Variants in GAP43 observed in about 807,000 individuals in gnomAD.
The protein encoded by GAP43 is neuromodulin.
In GAP43, 6 loss-of-function variants were observed where a neutral mutation model predicts 18.6. That is an observed-to-expected ratio of 0.32 (90% CI 0.18 to 0.64). The LOEUF is 0.64. GAP43 is among the 30% of genes least tolerant of loss of function. GAP43 has a pLI of 0.78. For synonymous variants in GAP43, 115 were observed against 111.4 expected (o/e 1.03, Z -0.20); for missense variants, 292 against 295.5 (o/e 0.99, Z 0.09).
chr3:115,661,673 A>G (rs111582936), intron 1 of GAP43, among the ~76,000 whole-genome samples: 6,888 of 151,848 alleles, frequency 0.045, 496 homozygotes, highest in African/African-American at 0.16. Flanking sequence ...TATTTTTAGT[A>G]GAGATGGGGT....
chr3:115,657,777 G>A (rs1484509267), intron 1 of GAP43, among the ~76,000 whole-genome samples: 1 of 151,922 alleles, frequency 6.6e-6, no homozygotes, highest in Non-Finnish European at 1.5e-5. Flanking sequence ...GGCTAGCCTC[G>A]AACTCCTGAG....
At chr3:115,664,176 C>T (rs1708702313) in intron 1 of GAP43, among the ~76,000 whole-genome samples, 1 of 151,434 alleles carries the variant, frequency 6.6e-6, no homozygotes, top group Non-Finnish European at 1.5e-5. Context: ...GAGTGCTTGA[C>T]ATATAGTTTT....
chr3:115,673,687 T>C (rs1708841134), intron 1 of GAP43, among the ~76,000 whole-genome samples: 1 of 152,242 alleles, frequency 6.6e-6, no homozygotes, highest in South Asian at 2.1e-4. Flanking sequence ...CAGGGACAGC[T>C]GCTCCTGTGT....
At chr3:115,688,120 G>A (rs567228725) in intron 2 of GAP43, among the ~76,000 whole-genome samples, 4 of 152,118 alleles carry the variant, frequency 2.6e-5, no homozygotes, top group South Asian at 2.1e-4. Context: ...GGGTTCAACC[G>A]ATTATCCTGC....
At chr3:115,646,574 A>G (rs1479113446) in intron 1 of GAP43, among the ~76,000 whole-genome samples, 1 of 152,100 alleles carries the variant, frequency 6.6e-6, no homozygotes, top group African/African-American at 2.4e-5. Context: ...AGAAAAAGAG[A>G]GAGAACTTCA....
intron 2 of GAP43, among the ~76,000 whole-genome samples, chr3:115,701,663 A>T (rs1260303621): frequency 6.6e-6 from 1 of 151,972 alleles, no homozygotes; most frequent in Non-Finnish European, 1.5e-5. Flanking sequence ...CCAAATGTCC[A>T]TGGTTGATTT....
chr3:115,674,508 A>G (rs1349853179), intron 1 of GAP43, among the ~76,000 whole-genome samples: 1 of 152,232 alleles, frequency 6.6e-6, no homozygotes, highest in African/African-American at 2.4e-5. Flanking sequence ...AAAAGGTAAC[A>G]TTCTATATGC....
intron 1 of GAP43, among the ~76,000 whole-genome samples, chr3:115,664,269 A>G (rs2107482682): frequency 7.2e-6 from 1 of 138,960 alleles, no homozygotes; most frequent in African/African-American, 2.5e-5. Flanking sequence ...TATATGTGTT[A>G]GTGGGAGGCA....
At chr3:115,668,278 T>C (rs116108370) in intron 1 of GAP43, among the ~76,000 whole-genome samples, 2 of 152,168 alleles carry the variant, frequency 1.3e-5, no homozygotes, top group Non-Finnish European at 2.9e-5. Flanking sequence ...AACCCCTGTT[T>C]AGGGAAGGAG....
At chr3:115,700,146 C>A (rs1042914026) in intron 2 of GAP43, among the ~76,000 whole-genome samples, 1 of 152,170 alleles carries the variant, frequency 6.6e-6, no homozygotes, top group African/African-American at 2.4e-5. Context: ...TTAATATAAA[C>A]AACTTTGCAG....
chr3:115,625,494 A>G (rs537514529), intron 1 of GAP43, among the ~76,000 whole-genome samples: 27 of 152,246 alleles, frequency 1.8e-4, no homozygotes, highest in African/African-American at 5.5e-4. Flanking sequence ...TGAGCTGGGG[A>G]AATAACATTT....
At chr3:115,634,151 A>G (rs1708299093) in intron 1 of GAP43, among the ~76,000 whole-genome samples, 1 of 152,158 alleles carries the variant, frequency 6.6e-6, no homozygotes, top group Non-Finnish European at 1.5e-5. Context: ...TAGATAAAAG[A>G]GCTAGATGAG....
At chr3:115,639,806 G>A (rs1708374751) in intron 1 of GAP43, among the ~76,000 whole-genome samples, 1 of 152,004 alleles carries the variant, frequency 6.6e-6, no homozygotes, top group African/African-American at 2.4e-5. Flanking sequence ...AATTCCTGGG[G>A]GACGGATCTG....
At chr3:115,708,940 G>GTTTTTTTTT (rs3086974) in intron 2 of GAP43, among the ~76,000 whole-genome samples, 3 of 99,800 alleles carry the variant, frequency 3.0e-5, no homozygotes, top group African/African-American at 4.1e-5. Context: ...AACTGGCTGG[G>GTTTTTTTTT]TTTTTTTTTT....
intron 2 of GAP43, among the ~76,000 whole-genome samples, chr3:115,693,861 T>G (rs1709149413): frequency 6.6e-6 from 1 of 152,150 alleles, no homozygotes; most frequent in African/African-American, 2.4e-5. Context: ...TTTTATTTTA[T>G]TTTGTTTAGG....
chr3:115,661,245 C>G (rs1708654744), intron 1 of GAP43: 1 of 152,280 alleles, frequency 6.6e-6, no homozygotes, highest in African/African-American at 2.4e-5. Flanking sequence ...TCCACTGGAA[C>G]CCAGCAAGTT....
At chr3:115,643,301 A>T (rs190752770) in intron 1 of GAP43, among the ~76,000 whole-genome samples, 106 of 152,210 alleles carry the variant, frequency 7.0e-4, no homozygotes, top group African/African-American at 2.4e-3. Context: ...CTACAGACCC[A>T]TGCTCTAATC....
intron 2 of GAP43, among the ~76,000 whole-genome samples, chr3:115,695,761 A>T (rs899648103): frequency 6.6e-6 from 1 of 152,150 alleles, no homozygotes; most frequent in African/African-American, 2.4e-5. Flanking sequence ...CCAGTGAAAC[A>T]ACTTTAGCCA....
intron 2 of GAP43, among the ~76,000 whole-genome samples, chr3:115,699,707 G>C (rs1709273104): frequency 6.6e-6 from 1 of 152,126 alleles, no homozygotes; most frequent in African/African-American, 2.4e-5. Context: ...AGACAACCGA[G>C]GTGACAGACT....
Sources: allele counts gnomAD v4.1 joint callset (sites outside exome capture counted in the v4.1 genomes callset), GRCh38; gene constraint gnomAD v4.1.1; transcripts MANE v1.5; gene names NCBI Gene and HGNC (gene_info 2026-07-23, HGNC 2026-07-21).